The following FRMD6 variants were observed in gnomAD, a reference collection of about 807,000 sequenced individuals.
FRMD6 encodes FERM domain-containing protein 6.
Under a neutral mutation model 73.2 loss-of-function variants are expected in FRMD6, and 37 were observed. The observed-to-expected ratio is 0.51, with a 90% CI of 0.39 to 0.66. The LOEUF (loss-of-function observed/expected upper bound fraction) is 0.66, where lower values mean the gene tolerates loss of function less well. FRMD6 is among the 30% of genes least tolerant of loss of function. The probability of loss-of-function intolerance (pLI) is 0.00; values close to 1 mark genes in which losing one functional copy is unlikely to be tolerated. For synonymous variants in FRMD6, 273 were observed against 282.2 expected (o/e 0.97, Z 0.33); for missense variants, 714 against 780.5 (o/e 0.91, Z 1.02).
intron 2 of FRMD6, among the ~76,000 whole-genome samples, chr14:51,625,653 A>G (rs11851031): frequency 0.39 from 59,679 of 152,000 alleles, 12,570 homozygotes; most frequent in African/African-American, 0.53. Context: ...CCATCATTCT[A>G]ACCAGGTCCT....
chr14:51,693,666 T>TA (rs1339081504), intron 2 of FRMD6, among the ~76,000 whole-genome samples: 1 of 152,224 alleles, frequency 6.6e-6, no homozygotes, highest in Non-Finnish European at 1.5e-5. Context: ...AGTGTCAGTT[T>TA]ACTTTTTAGT....
rs1046096717 is a variant in FRMD6, at chr14:51,638,428, C to T, written c.-146-51263C>T. Reference sequence around the variant, plus strand: ...GGGAGCCTCCAGATGTGGGTGGTTCCGCATTGTTCACATTCCTCCTGGAGA... The same window carrying T: ...GGGAGCCTCCAGATGTGGGTGGTTCTGCATTGTTCACATTCCTCCTGGAGA... On this transcript the variant is annotated intron_variant, in intron 2 of 14. Transcript: ENST00000356218. Among the ~76,000 whole-genome samples, 28 of 152,130 alleles carry T rather than the reference C, an allele frequency of 1.8e-4. 1 individual carries two copies. The highest frequency in any genetic ancestry group is 6.0e-4 in the African/African-American group (25 of 41,410).
chr14:51,534,511 T>A (rs118046890), intron 1 of FRMD6, among the ~76,000 whole-genome samples: 2,945 of 152,346 alleles, frequency 0.019, 49 homozygotes, highest in Middle Eastern at 0.031. Flanking sequence ...ACCTTTCCTA[T>A]TTTCAATACC....
At chr14:51,693,891 GA>G (rs1050409449) in intron 2 of FRMD6, among the ~76,000 whole-genome samples, 1 of 152,168 alleles carries the variant, frequency 6.6e-6, no homozygotes, top group Non-Finnish European at 1.5e-5. Context: ...CCCACTACCA[GA>G]AAAACAATTC....
At chr14:51,408,518 C>T in the FRMD6 span, among the ~76,000 whole-genome samples, 1 of 152,162 alleles carries the variant, frequency 6.6e-6, no homozygotes. Flanking sequence ...ATCTCTCTTC[C>T]AGCTTGCTAA....
At chr14:51,678,971 C>A (rs1894593557) in intron 1 of FRMD6, among the ~76,000 whole-genome samples, 1 of 152,054 alleles carries the variant, frequency 6.6e-6, no homozygotes, top group Non-Finnish European at 1.5e-5. Flanking sequence ...TAATTCAGAA[C>A]ATGAATTGGA....
intron 2 of FRMD6, among the ~76,000 whole-genome samples, chr14:51,696,891 C>G (rs1257483269): frequency 6.6e-6 from 1 of 152,024 alleles, no homozygotes; most frequent in Non-Finnish European, 1.5e-5. Flanking sequence ...GTAGACGTCC[C>G]TCAAAAGAAG....
chr14:51,695,359 G>T (rs562413737), intron 2 of FRMD6, among the ~76,000 whole-genome samples: 1 of 152,080 alleles, frequency 6.6e-6, no homozygotes, highest in Non-Finnish European at 1.5e-5. Flanking sequence ...AAAATCCAGA[G>T]GCCTTTTAAA....
At chr14:51,530,197 C>T (rs1387165374) in intron 1 of FRMD6, among the ~76,000 whole-genome samples, 1 of 152,194 alleles carries the variant, frequency 6.6e-6, no homozygotes, top group Non-Finnish European at 1.5e-5. Context: ...CTTGAAGTTA[C>T]TCACATCGAT....
At chr14:51,596,578 T>C (rs1051958894) in intron 2 of FRMD6, among the ~76,000 whole-genome samples, 2 of 152,172 alleles carry the variant, frequency 1.3e-5, no homozygotes, top group African/African-American at 4.8e-5. Context: ...ATAATGACTT[T>C]GTGTAGCTTT....
At chr14:51,593,238 G>A (rs979130830) in intron 2 of FRMD6, among the ~76,000 whole-genome samples, 2 of 152,154 alleles carry the variant, frequency 1.3e-5, no homozygotes, top group Non-Finnish European at 2.9e-5. Context: ...CTGCCCCAGC[G>A]AACAGCTCCA....
chr14:51,655,587 G>A (rs551075520), intron 1 of FRMD6, among the ~76,000 whole-genome samples: 1 of 152,172 alleles, frequency 6.6e-6, no homozygotes, highest in Admixed American at 6.5e-5. Flanking sequence ...AAGTTAAAGG[G>A]ATAATTTGAG....
the FRMD6 span, among the ~76,000 whole-genome samples, chr14:51,443,411 A>G: frequency 1.2e-4 from 19 of 152,218 alleles, no homozygotes; most frequent in Non-Finnish European, 2.8e-4. Context: ...CCACCAAAAG[A>G]TGAGGCAGCG....
chr14:51,646,052 C>T (rs1892051724), intron 2 of FRMD6, among the ~76,000 whole-genome samples: 1 of 151,960 alleles, frequency 6.6e-6, no homozygotes, highest in African/African-American at 2.4e-5. Flanking sequence ...GGTGCGGTGG[C>T]TCAAGCCTGT....
At chr14:51,649,410 T>A (rs1892232168), upstream of FRMD6, 1 of 152,210 alleles carries the variant, frequency 6.6e-6, no homozygotes, top group South Asian at 2.1e-4. Flanking sequence ...GCTATTTGTT[T>A]TACCTAATTA....
At chr14:51,612,966 G>A (rs1240554521) in intron 2 of FRMD6, among the ~76,000 whole-genome samples, 1 of 152,130 alleles carries the variant, frequency 6.6e-6, no homozygotes, top group African/African-American at 2.4e-5. Context: ...GCAAAGGGGA[G>A]GAAAAGGAAT....
At chr14:51,689,055 A>G (rs1346404704) in intron 1 of FRMD6, among the ~76,000 whole-genome samples, 1 of 152,242 alleles carries the variant, frequency 6.6e-6, no homozygotes, top group Non-Finnish European at 1.5e-5. Context: ...AATAATAGAA[A>G]AATCAAGTAT....
In FRMD6 at chr14:51,702,499, C is replaced by G; in HGVS notation, c.295-13C>G. 2 of 1,607,992 alleles carry G rather than the reference C, an allele frequency of 1.2e-6. No individual in the cohort carries two copies. The highest frequency in any genetic ancestry group is 2.2e-5 in the South Asian group (2 of 90,538). On this transcript the variant is annotated splice_polypyrimidine_tract_variant and intron_variant, in intron 4 of 13. Transcript: ENST00000344768. The stretch of plus-strand genomic sequence containing the variant: ...AGAAATAGCTTGATTTTTGTGTGTG[C>G]TTTTGTTTCTAGGGTATCGACCAAT...
In FRMD6 at chr14:51,720,092, C is replaced by T. The variant is rs138594492; in HGVS notation, c.1062C>T (p.Asn354=). 9.2e-5 allele frequency: 149 copies of T among 1,613,584 alleles called. No homozygotes were observed. The African/African-American group carries it at 1.9e-3, about 20-fold the overall frequency. The change falls in exon 11 of 14, where the codon AAC becomes AAT. Residue 354 remains asparagine (N), a synonymous_variant. Transcript: ENST00000344768. ...KQYRESYISD[N]LDLDMDQLEK... is the part of the protein sequence containing the mutation. ...ACCGGGAATCTTACATCAGTGACAA[C>T]CTGGACCTCGACATGGACCAGCTGG... is the stretch of plus-strand genomic sequence containing the variant.
Sources: allele counts gnomAD v4.1 joint callset (sites outside exome capture counted in the v4.1 genomes callset), GRCh38; gene constraint gnomAD v4.1.1; transcripts MANE v1.5; gene names NCBI Gene and HGNC (gene_info 2026-07-23, HGNC 2026-07-21).